CFAP70: variants seen among roughly 807,000 people sequenced by gnomAD.
The protein encoded by CFAP70 is cilia and flagella associated protein 70, also known as cilia- and flagella-associated protein 70.
CFAP70 carries 81 observed loss-of-function variants against 137.6 expected under a neutral mutation model. The observed-to-expected ratio is 0.59, with a 90% CI of 0.49 to 0.71. The LOEUF (loss-of-function observed/expected upper bound fraction) is 0.71, where lower values mean the gene tolerates loss of function less well. Ranked by LOEUF, CFAP70 falls within the 30% of genes least tolerant of loss-of-function variation. The probability of loss-of-function intolerance (pLI) is 0.00; values close to 1 mark genes in which losing one functional copy is unlikely to be tolerated. For synonymous variants in CFAP70, 382 were observed against 423.6 expected (o/e 0.90, Z 1.20); for missense variants, 976 against 1,226.7 (o/e 0.80, Z 3.05).
chr10:73,343,420 G>C (rs998944626), intron 5 of CFAP70, among the ~76,000 whole-genome samples: 1 of 151,208 alleles, frequency 6.6e-6, no homozygotes, highest in African/African-American at 2.4e-5. Context: ...ATAAAACTAG[G>C]ACCTGGGGCT....
intron 1 of CFAP70, among the ~76,000 whole-genome samples, chr10:73,356,505 C>G (rs931512842): frequency 6.6e-6 from 1 of 152,106 alleles, no homozygotes; most frequent in Non-Finnish European, 1.5e-5. Flanking sequence ...GTTGAAAAGG[C>G]CTTATTTTCT....
At position 73,284,754 on chromosome 10, in the gene CFAP70, A is replaced by C. The variant is rs1378873691; in HGVS notation, c.2240-6417T>G. Among the ~76,000 whole-genome samples, 38 of 15,214 alleles carry C rather than the reference A, an allele frequency of 2.5e-3. 3 individuals carry two copies. The highest frequency in any genetic ancestry group is 0.013 in the African/African-American group (34 of 2,598). 10.0% of individuals were successfully genotyped at this position (15,214 alleles called of 152,430 possible). The stretch of plus-strand genomic sequence containing the variant: ...TGACCTGCCACATATATATATATAT[A>C]TATATATATATATATATATATATAT... On this transcript the variant is annotated intron_variant, in intron 19 of 26. Coordinates refer to ENST00000310715, the Ensembl canonical transcript of CFAP70.
At chr10:73,362,462 G>C (rs1459523548), upstream of CFAP70, among the ~76,000 whole-genome samples, 1 of 152,112 alleles carries the variant, frequency 6.6e-6, no homozygotes. Context: ...TTTCATCAAT[G>C]TTTTGTAGTT....
At chr10:73,298,321 C>CATT in intron 14 of CFAP70, among the ~76,000 whole-genome samples, 1 of 151,992 alleles carries the variant, frequency 6.6e-6, no homozygotes, top group African/African-American at 2.4e-5. Context: ...AAATGTTAGC[C>CATT]ATTATTATTC....
chr10:73,304,810 G>A (rs1201317516), intron 12 of CFAP70, among the ~76,000 whole-genome samples: 1 of 151,394 alleles, frequency 6.6e-6, no homozygotes. Context: ...AAACGACCGG[G>A]CAGGTAACTC....
intron 12 of CFAP70, among the ~76,000 whole-genome samples, chr10:73,304,574 A>AT (rs760377818): frequency 2.0e-5 from 3 of 152,228 alleles, no homozygotes; most frequent in African/African-American, 4.8e-5. Flanking sequence ...CCCCATCAAA[A>AT]TAGCAAAAAT....
chr10:73,265,864 G>A (rs2096483789), intron 25 of CFAP70, among the ~76,000 whole-genome samples: 1 of 147,076 alleles, frequency 6.8e-6, no homozygotes, highest in Admixed American at 6.7e-5. Flanking sequence ...CTTTCATACT[G>A]TCATAGCTAT....
chr10:73,354,644 G>T, intron 2 of CFAP70, 90 bp downstream of exon 2: 1 of 1,016,930 alleles, frequency 9.8e-7, no homozygotes, highest in Non-Finnish European at 1.5e-6. Context: ...AAGCCAGGAG[G>T]TTTGGAGGTA....
chr10:73,263,497 G>T (rs1034091208), intron 25 of CFAP70, among the ~76,000 whole-genome samples: 2 of 152,084 alleles, frequency 1.3e-5, no homozygotes, highest in African/African-American at 4.8e-5. Flanking sequence ...CGTAACACTG[G>T]CATTTTTTAA....
At chr10:73,313,698 C>T (rs1376279583) in intron 9 of CFAP70, among the ~76,000 whole-genome samples, 2 of 152,042 alleles carry the variant, frequency 1.3e-5, no homozygotes, top group Non-Finnish European at 2.9e-5. Flanking sequence ...CAAAAATTAG[C>T]CGGGTGTGGT....
chr10:73,274,470 A>C (rs1290050915), exon 23 of CFAP70: 2 of 1,613,804 alleles, frequency 1.2e-6, no homozygotes, highest in Admixed American at 3.3e-5. Context: ...CAGTCTCAGG[A>C]AGATGAAGTG....
At chr10:73,297,305 G>A (rs377592093) in intron 14 of CFAP70, 132 bp from the exon 16 acceptor site, 1 of 861,512 alleles carries the variant, frequency 1.2e-6, no homozygotes. Flanking sequence ...CTTGGTGGGT[G>A]GTAGACTATC....
chr10:73,279,998 T>C (rs2047144294), intron 19 of CFAP70, among the ~76,000 whole-genome samples: 2 of 152,222 alleles, frequency 1.3e-5, no homozygotes, highest in South Asian at 2.1e-4. Flanking sequence ...CCAGGAATGT[T>C]TGAGAGTTCC....
chr10:73,359,164 T>G (rs1189160997), upstream of CFAP70, among the ~76,000 whole-genome samples: 1 of 152,216 alleles, frequency 6.6e-6, no homozygotes, highest in South Asian at 2.1e-4. Flanking sequence ...AAAATGACCC[T>G]GCTTCTAGGT....
intron 9 of CFAP70, among the ~76,000 whole-genome samples, chr10:73,321,493 A>G (rs1248205280): frequency 6.6e-6 from 1 of 152,234 alleles, no homozygotes; most frequent in Non-Finnish European, 1.5e-5. Context: ...TTTACTACTC[A>G]GTTAGTGTAC....
chr10:73,342,548 A>AATAG (rs112976377), intron 5 of CFAP70, among the ~76,000 whole-genome samples: 1 of 152,082 alleles, frequency 6.6e-6, no homozygotes, highest in Non-Finnish European at 1.5e-5. Flanking sequence ...GTCTCTTATT[A>AATAG]ATAGATAGAT....
intron 9 of CFAP70, among the ~76,000 whole-genome samples, chr10:73,315,728 G>A (rs2050286970): frequency 6.6e-6 from 1 of 152,054 alleles, no homozygotes; most frequent in Non-Finnish European, 1.5e-5. Flanking sequence ...AACACACCCA[G>A]ACAACTTTTT....
Position 73,269,835 on chromosome 10 carries a change from T to C in CFAP70, c.2926-120A>G, listed in dbSNP as rs554767309. On this transcript the variant is annotated intron_variant, in intron 24 of 26. Transcript: ENST00000310715. ...TTTTTAATATTTTTAGCATCAGAAC[T>C]CTTTTCTTCAAAGGAAATCTTATGT... The C allele has an allele frequency of 4.5e-5, 26 of 577,190 alleles. No homozygotes were observed. The South Asian group carries it at 5.5e-4, about 12-fold the overall frequency. The allele number at this position is 577,190 out of a possible 1,614,324, so 35.8% of individuals were successfully genotyped here. A position where few individuals can be genotyped will look rare whatever the true frequency, so the allele number is the denominator to read the frequency against.
intron 9 of CFAP70, among the ~76,000 whole-genome samples, chr10:73,322,399 C>A (rs111701261): frequency 1.2e-3 from 175 of 151,416 alleles, no homozygotes; most frequent in African/African-American, 4.1e-3. Flanking sequence ...TTTTCAAGAC[C>A]CTGTCTCTAT....
Sources: allele counts gnomAD v4.1 joint callset (sites outside exome capture counted in the v4.1 genomes callset), GRCh38; gene constraint gnomAD v4.1.1; transcripts MANE v1.5; gene names NCBI Gene and HGNC (gene_info 2026-07-23, HGNC 2026-07-21).